The following ADAMTS12 variants were observed in gnomAD, a reference collection of about 807,000 sequenced individuals.
ADAMTS12 encodes A disintegrin and metalloproteinase with thrombospondin motifs 12.
In ADAMTS12, 118 loss-of-function variants were observed where a neutral mutation model predicts 167.8. The ratio of observed to expected loss-of-function variants is 0.70; its 90% CI spans 0.61 to 0.82. The LOEUF is 0.82. ADAMTS12 is among the 40% of genes least tolerant of loss of function. ADAMTS12 has a pLI of 0.00. For missense variants in ADAMTS12, 1,916 were observed against 1,998.8 expected (o/e 0.96, Z 0.79); for synonymous variants, 704 against 716.9 (o/e 0.98, Z 0.29).
At chr5:33,820,756 A>C (rs1747839364) in intron 2 of ADAMTS12, among the ~76,000 whole-genome samples, 1 of 152,238 alleles carries the variant, frequency 6.6e-6, no homozygotes, top group Admixed American at 6.5e-5. Flanking sequence ...AGATAAGAAA[A>C]TGTGGTGCAT....
intron 20 of ADAMTS12, among the ~76,000 whole-genome samples, chr5:33,553,067 C>T (rs1054576456): frequency 6.6e-6 from 1 of 152,050 alleles, no homozygotes; most frequent in Non-Finnish European, 1.5e-5. Context: ...CATGAACAGA[C>T]ACTTTTCAAA....
chr5:33,785,785 T>C (rs1405135997), intron 2 of ADAMTS12, among the ~76,000 whole-genome samples: 3 of 152,200 alleles, frequency 2.0e-5, no homozygotes, highest in Admixed American at 6.5e-5. Flanking sequence ...ACATAGACAT[T>C]TCATATAAGC....
intron 1 of ADAMTS12, among the ~76,000 whole-genome samples, chr5:33,891,191 T>C (rs1750829207): frequency 6.6e-6 from 1 of 152,084 alleles, no homozygotes; most frequent in Admixed American, 6.6e-5. Context: ...CTTATGGAGG[T>C]ATAGTTCCCC....
chr5:33,711,130 C>T (rs186314557), intron 3 of ADAMTS12, among the ~76,000 whole-genome samples: 14 of 152,212 alleles, frequency 9.2e-5, no homozygotes, highest in Non-Finnish European at 1.6e-4. Context: ...ATCACCAGCT[C>T]GGGACCTCAA....
intron 12 of ADAMTS12, among the ~76,000 whole-genome samples, chr5:33,632,928 C>T (rs942717419): frequency 3.9e-5 from 6 of 152,172 alleles, no homozygotes; most frequent in South Asian, 2.1e-4. Context: ...CAGAGAGAAA[C>T]GGACAGATTC....
intron 2 of ADAMTS12, among the ~76,000 whole-genome samples, chr5:33,848,575 GTAT>G (rs1436752437): frequency 6.6e-6 from 1 of 152,144 alleles, no homozygotes; most frequent in Non-Finnish European, 1.5e-5. Flanking sequence ...TCCCTCATTG[GTAT>G]TAGTTGCAAA....
intron 2 of ADAMTS12, among the ~76,000 whole-genome samples, chr5:33,872,869 A>G (rs1750092402): frequency 1.3e-5 from 2 of 152,246 alleles, no homozygotes; most frequent in South Asian, 2.1e-4. Context: ...CTATAGATGG[A>G]GGACAAACAC....
At chr5:33,781,618 A>G (rs1161635538) in intron 2 of ADAMTS12, among the ~76,000 whole-genome samples, 1 of 152,222 alleles carries the variant, frequency 6.6e-6, no homozygotes, top group Non-Finnish European at 1.5e-5. Flanking sequence ...GACACTGACT[A>G]TAATTGAAAG....
intron 1 of ADAMTS12, 119 bp downstream of exon 1, chr5:33,891,611 C>T (rs1258929832): frequency 6.8e-7 from 1 of 1,474,694 alleles, no homozygotes; most frequent in African/African-American, 1.4e-5. Context: ...CCTTACAACG[C>T]AGCCAAATGG....
At chr5:33,802,416 A>G (rs758622821) in intron 2 of ADAMTS12, among the ~76,000 whole-genome samples, 3 of 152,200 alleles carry the variant, frequency 2.0e-5, no homozygotes, top group Admixed American at 6.5e-5. Flanking sequence ...ACAAGATGAC[A>G]CCACCCACAA....
intron 2 of ADAMTS12, among the ~76,000 whole-genome samples, chr5:33,753,722 C>T (rs542089829): frequency 2.6e-5 from 4 of 152,278 alleles, no homozygotes; most frequent in South Asian, 4.2e-4. Flanking sequence ...AACCATTTTA[C>T]GGGCAACATG....
At chr5:33,621,399 C>CAAAAAAAA (rs202182365) in intron 14 of ADAMTS12, among the ~76,000 whole-genome samples, 1 of 82,118 alleles carries the variant, frequency 1.2e-5, no homozygotes, top group Non-Finnish European at 2.5e-5. Flanking sequence ...GACTCCATCT[C>CAAAAAAAA]AAAAAAAAAA....
chr5:33,568,761 G>A (rs574318531), intron 19 of ADAMTS12, among the ~76,000 whole-genome samples: 19 of 152,360 alleles, frequency 1.2e-4, no homozygotes, highest in Non-Finnish European at 1.9e-4. Context: ...TGGGTGCAGC[G>A]CACCGTGCAC....
intron 2 of ADAMTS12, among the ~76,000 whole-genome samples, chr5:33,793,951 G>A (rs1451285736): frequency 2.0e-5 from 3 of 152,098 alleles, no homozygotes; most frequent in Non-Finnish European, 4.4e-5. Flanking sequence ...GCTTCTCGCC[G>A]CTTTCAAATT....
intron 17 of ADAMTS12, among the ~76,000 whole-genome samples, chr5:33,593,916 C>G (rs912453453): frequency 6.6e-6 from 1 of 152,216 alleles, no homozygotes; most frequent in Admixed American, 6.5e-5. Flanking sequence ...TTCTCTGAAC[C>G]TTTATCTCCT....
At chr5:33,531,658 T>C (rs1314863829) in intron 23 of ADAMTS12, among the ~76,000 whole-genome samples, 3 of 152,202 alleles carry the variant, frequency 2.0e-5, no homozygotes, top group African/African-American at 7.2e-5. Context: ...ATAGGTCTTC[T>C]CTGCCCAGAA....
At chr5:33,805,692 T>A (rs979776377) in intron 2 of ADAMTS12, among the ~76,000 whole-genome samples, 34 of 152,318 alleles carry the variant, frequency 2.2e-4, no homozygotes, top group African/African-American at 8.2e-4. Context: ...AATAAATGTA[T>A]GTGTGACAGG....
intron 2 of ADAMTS12, among the ~76,000 whole-genome samples, chr5:33,793,514 A>G (rs1746654978): frequency 6.6e-6 from 1 of 152,248 alleles, no homozygotes; most frequent in Non-Finnish European, 1.5e-5. Flanking sequence ...GGCTATAAAT[A>G]TCGACATAAA....
chr5:33,842,750 GA>G (rs1748791403), intron 2 of ADAMTS12, among the ~76,000 whole-genome samples: 1 of 152,166 alleles, frequency 6.6e-6, no homozygotes, highest in Admixed American at 6.6e-5. Context: ...TAAAAGGACA[GA>G]AGACCCCTGG....
Sources: gnomAD v4.1 joint callset for allele counts (sites outside exome capture counted in the v4.1 genomes callset) on GRCh38, gnomAD v4.1.1 for gene constraint, MANE v1.5 for transcripts, NCBI Gene and HGNC (gene_info 2026-07-23, HGNC 2026-07-21) for gene names.